Variants in FBXL4 observed in about 807,000 individuals in gnomAD.
FBXL4 encodes F-box and leucine rich repeat protein 4.
FBXL4 carries 40 observed loss-of-function variants against 58.9 expected under a neutral mutation model. The ratio of observed to expected loss-of-function variants is 0.68; its 90% CI spans 0.53 to 0.88. The LOEUF (loss-of-function observed/expected upper bound fraction) is 0.88. Among genes scored for constraint, FBXL4 ranks in the 40% least tolerant of loss-of-function variants. FBXL4 has a pLI of 0.00. For missense variants in FBXL4, 676 were observed against 734.4 expected, an observed-to-expected ratio of 0.92 and a Z score of 0.92; for synonymous variants, 263 against 265.5, an observed-to-expected ratio of 0.99 and a Z score of 0.09.
chr6:98,932,145 A>G (rs1224986311), intron 2 of FBXL4, among the ~76,000 whole-genome samples: 1 of 152,198 alleles, frequency 6.6e-6, no homozygotes, highest in Non-Finnish European at 1.5e-5. Flanking sequence ...TGTTCATTCA[A>G]AAAGCTACTT....
At chr6:98,897,043 C>G in intron 7 of FBXL4, 2 of 984,316 alleles carry the variant, frequency 2.0e-6, no homozygotes, top group East Asian at 1.1e-4. Context: ...ATATAAGATG[C>G]CTAGCAAGTT....
rs1772399103 is a variant in FBXL4 at position 98,917,362 on chromosome 6, T to G, written c.858+12A>C. ...TTATATCCAATACTGCTGCTAAATA[T>G]TTTTGGCTTACCTCATAAGGTAGTT... On this transcript the variant is annotated intron_variant, in intron 5 of 9. Coordinates refer to ENST00000369244, the MANE Select transcript of FBXL4 (RefSeq NM_001278716.2). 6.4e-7 allele frequency: 1 copy of G among 1,561,964 alleles called. No homozygotes were observed. The highest frequency in any genetic ancestry group is 8.7e-7 in the Non-Finnish European group (1 of 1,149,868).
intron 8 of FBXL4, among the ~76,000 whole-genome samples, chr6:98,878,234 T>C (rs1322512439): frequency 6.6e-6 from 1 of 152,250 alleles, no homozygotes; most frequent in Non-Finnish European, 1.5e-5. Flanking sequence ...TAAACATTGC[T>C]ATTATATTGA....
At chr6:98,907,089 C>A (rs868251265) in intron 5 of FBXL4, among the ~76,000 whole-genome samples, 1 of 152,010 alleles carries the variant, frequency 6.6e-6, no homozygotes, top group Non-Finnish European at 1.5e-5. Context: ...ATGGATAGAT[C>A]GCAAAAATTT....
intron 4 of FBXL4, among the ~76,000 whole-genome samples, chr6:98,924,465 G>C (rs191541807): frequency 6.6e-6 from 1 of 152,192 alleles, no homozygotes; most frequent in Non-Finnish European, 1.5e-5. Flanking sequence ...GCTGAGGCAG[G>C]AGAATCTCAT....
intron 7 of FBXL4, among the ~76,000 whole-genome samples, chr6:98,897,626 T>C (rs769230399): frequency 2.6e-5 from 4 of 152,148 alleles, no homozygotes; most frequent in Non-Finnish European, 5.9e-5. Context: ...AAAGAGTTTA[T>C]TTAGCTCACA....
intron 1 of FBXL4, among the ~76,000 whole-genome samples, chr6:98,939,166 G>T (rs965454958): frequency 6.7e-6 from 1 of 149,312 alleles, no homozygotes; most frequent in Non-Finnish European, 1.5e-5. Context: ...GAAACGAAAC[G>T]AAATGAAATG....
In FBXL4 at chr6:98,870,514, T is replaced by A. The variant is rs995166554; in HGVS notation, c.*3764A>T. 1 of 152,216 alleles carries A rather than the reference T, an allele frequency of 6.6e-6. No homozygotes were observed. The highest frequency in any genetic ancestry group is 2.4e-5 in the African/African-American group (1 of 41,454). The allele number at this position is 152,216 out of a possible 1,614,324, so 9.4% of individuals were successfully genotyped here. A position where few individuals can be genotyped will look rare whatever the true frequency, so the allele number is the denominator to read the frequency against. ...TGAACAAATGCAAAGGAGACTTATG[T>A]GGTGCTGTCATCATTTTGCACTGCT... On this transcript the variant is annotated 3_prime_UTR_variant, in exon 10 of 10. Transcript: ENST00000369244.
intron 8 of FBXL4, among the ~76,000 whole-genome samples, chr6:98,875,934 T>C (rs372409184): frequency 6.6e-6 from 1 of 152,180 alleles, no homozygotes; most frequent in Non-Finnish European, 1.5e-5. Flanking sequence ...TAAAAATCCA[T>C]TTAAGAGCAC....
chr6:98,868,641 C>T lies in FBXL4; in HGVS notation c.*5637G>A, dbSNP rs1367069993. On this transcript the variant is annotated 3_prime_UTR_variant, in exon 10 of 10. Transcript: ENST00000369244. ...TTATGTAAATAAAATTAAAATATCTCAGTCGTCTGTACAGACAACTTCATT... is the reference window on the plus strand; with the variant it reads ...TTATGTAAATAAAATTAAAATATCTTAGTCGTCTGTACAGACAACTTCATT... 1 of 152,106 alleles carries T rather than the reference C, an allele frequency of 6.6e-6. No individual in the cohort carries two copies. Among genetic ancestry groups the T allele is most frequent in the Non-Finnish European group, 1.5e-5 (1 of 68,004 alleles). 9.4% of individuals were successfully genotyped at this position (152,106 alleles called of 1,614,324 possible). A position where few individuals can be genotyped will look rare whatever the true frequency, so the allele number is the denominator to read the frequency against.
intron 1 of FBXL4, among the ~76,000 whole-genome samples, chr6:98,942,016 C>G (rs1773450825): frequency 6.7e-6 from 1 of 150,182 alleles, no homozygotes; most frequent in South Asian, 2.1e-4. Context: ...ATACAAGAAA[C>G]CTAACATCTA....
rs143291361 is a variant in FBXL4 at position 98,870,596 on chromosome 6, T to C, written c.*3682A>G. On this transcript the variant is annotated 3_prime_UTR_variant, in exon 10 of 10. Coordinates refer to ENST00000369244, the MANE Select transcript of FBXL4 (RefSeq NM_001278716.2). ...TTACCAGCATTTTGAGTGCCACATA[T>C]GTTGTCATACCACAATATTTTTAAA... The C allele has an allele frequency of 6.2e-4, 94 of 152,324 alleles. No individual in the cohort carries two copies. Among genetic ancestry groups the C allele is most frequent in the African/African-American group, 2.2e-3 (91 of 41,580 alleles). 9.4% of individuals were successfully genotyped at this position (152,324 alleles called of 1,614,324 possible).
chr6:98,942,179 T>A (rs1311979449), intron 1 of FBXL4, among the ~76,000 whole-genome samples: 1 of 151,896 alleles, frequency 6.6e-6, no homozygotes, highest in Non-Finnish European at 1.5e-5. Flanking sequence ...CTGAAACTAT[T>A]ACTTAAAAAT....
chr6:98,891,851 G>A (rs528026558), intron 7 of FBXL4, among the ~76,000 whole-genome samples: 1 of 152,174 alleles, frequency 6.6e-6, no homozygotes, highest in Admixed American at 6.5e-5. Flanking sequence ...TCTAATGAAT[G>A]GTGTCCTTTC....
chr6:98,910,770 T>C (rs976116906), intron 5 of FBXL4, among the ~76,000 whole-genome samples: 1 of 152,206 alleles, frequency 6.6e-6, no homozygotes, highest in African/African-American at 2.4e-5. Flanking sequence ...GGGTGATTTC[T>C]GCATTTCCAT....
chr6:98,898,336 C>T, intron 7 of FBXL4: 7 of 985,394 alleles, frequency 7.1e-6, no homozygotes, highest in Non-Finnish European at 8.4e-6. Flanking sequence ...GGCCCAGGTA[C>T]ATACTCTTTA....
intron 5 of FBXL4, among the ~76,000 whole-genome samples, chr6:98,910,130 G>A (rs541455524): frequency 3.9e-5 from 6 of 152,300 alleles, no homozygotes; most frequent in African/African-American, 1.4e-4. Flanking sequence ...AAAGAAAACT[G>A]ATATACATTT....
chr6:98,941,085 C>A (rs985606753), intron 1 of FBXL4, among the ~76,000 whole-genome samples: 5 of 152,128 alleles, frequency 3.3e-5, no homozygotes, highest in South Asian at 4.1e-4. Context: ...CTCAAGTGTA[C>A]TGAAAACCTA....
chr6:98,946,328 T>G (rs952875510), intron 1 of FBXL4, among the ~76,000 whole-genome samples: 1 of 152,208 alleles, frequency 6.6e-6, no homozygotes, highest in African/African-American at 2.4e-5. Flanking sequence ...CCTTCTTATC[T>G]CACATTAAAT....
Sources: gnomAD v4.1 joint callset for allele counts (sites outside exome capture counted in the v4.1 genomes callset) on GRCh38, gnomAD v4.1.1 for gene constraint, MANE v1.5 for transcripts, NCBI Gene and HGNC (gene_info 2026-07-23, HGNC 2026-07-21) for gene names.